TNFSF13B: variants seen among roughly 807,000 people sequenced by gnomAD.
The protein encoded by TNFSF13B is TNF superfamily member 13b.
TNFSF13B carries 8 observed loss-of-function variants against 29.1 expected under a neutral mutation model. The ratio of observed to expected loss-of-function variants is 0.27; its 90% CI spans 0.16 to 0.50. The LOEUF is 0.50. TNFSF13B is among the 20% of genes least tolerant of loss of function. The pLI is 0.98. For synonymous variants in TNFSF13B, 125 were observed against 130.8 expected, an observed-to-expected ratio of 0.96 and a Z score of 0.30; for missense variants, 248 against 334.9, an observed-to-expected ratio of 0.74 and a Z score of 2.03.
chr13:108,303,434 T>G lies in TNFSF13B; in HGVS notation c.595-20T>G. 6.2e-7 allele frequency: 1 copy of G among 1,609,622 alleles called. No homozygotes were observed. The highest frequency in any genetic ancestry group is 8.5e-7 in the Non-Finnish European group (1 of 1,178,518). ...CATTTTGTGTTCATTTCTGACACAGTTTTTTGGTTTGTTTCTTAGGTTTTA... is the reference window on the plus strand; with the variant it reads ...CATTTTGTGTTCATTTCTGACACAGGTTTTTGGTTTGTTTCTTAGGTTTTA... On this transcript the variant is annotated intron_variant, in intron 4 of 5. Transcript: ENST00000375887.
At chr13:108,291,554 C>T (rs1392294656) in intron 3 of TNFSF13B, among the ~76,000 whole-genome samples, 1 of 151,662 alleles carries the variant, frequency 6.6e-6, no homozygotes, top group African/African-American at 2.4e-5. Context: ...TGTATAAAAG[C>T]CTTGAATTCC....
At chr13:108,289,782 C>T (rs889131508) in intron 3 of TNFSF13B, among the ~76,000 whole-genome samples, 1 of 151,780 alleles carries the variant, frequency 6.6e-6, no homozygotes, top group Non-Finnish European at 1.5e-5. Flanking sequence ...TTTTGAGTTC[C>T]TATGCTTGCT....
chr13:108,304,044 CA>C (rs781602408), intron 5 of TNFSF13B, among the ~76,000 whole-genome samples: 2 of 152,186 alleles, frequency 1.3e-5, no homozygotes, highest in Non-Finnish European at 2.9e-5. Flanking sequence ...TTAATCTTCG[CA>C]TTTAAGGGAG....
At chr13:108,306,789 T>C (rs766389821) in intron 5 of TNFSF13B, 37 bp from the exon 6 acceptor site, 1 of 1,214,390 alleles carries the variant, frequency 8.2e-7, no homozygotes, top group Non-Finnish European at 1.2e-6. Context: ...TTCTGTTGTA[T>C]AACCACTTAT....
chr13:108,292,445 C>A (rs760004207), intron 3 of TNFSF13B, among the ~76,000 whole-genome samples: 2 of 152,098 alleles, frequency 1.3e-5, no homozygotes, highest in Admixed American at 1.3e-4. Flanking sequence ...CTGAGTGCCT[C>A]TTTTCAATTA....
chr13:108,291,642 C>G (rs1881316140), intron 3 of TNFSF13B, among the ~76,000 whole-genome samples: 2 of 151,666 alleles, frequency 1.3e-5, no homozygotes, highest in South Asian at 4.2e-4. Flanking sequence ...TGACTTTGCC[C>G]AAAATTTTAC....
At chr13:108,304,597 A>G (rs915824218) in intron 5 of TNFSF13B, among the ~76,000 whole-genome samples, 3 of 152,042 alleles carry the variant, frequency 2.0e-5, no homozygotes, top group African/African-American at 7.2e-5. Context: ...AAACACATTT[A>G]TTTTCTCTGT....
rs183351275 is a variant in TNFSF13B, at chr13:108,282,832, G to A, written c.425-3971G>A. ...GGGTTTTAATGTATATTATTGCCTT[G>A]CTTAGTTAAAAGAAAAAACAATAAC... On this transcript the variant is annotated intron_variant, in intron 2 of 5. Transcript: ENST00000375887. Among the ~76,000 whole-genome samples, 6 of 152,046 alleles carry A rather than the reference G, an allele frequency of 3.9e-5. No individual in the cohort carries two copies. In the East Asian group the frequency reaches 1.2e-3, roughly 29 times the overall value.
chr13:108,305,314 A>G (rs532833976), intron 5 of TNFSF13B, among the ~76,000 whole-genome samples: 16 of 152,158 alleles, frequency 1.1e-4, no homozygotes, highest in Admixed American at 2.0e-4. Context: ...AAGAAACCCA[A>G]CATAATACCA....
rs1881443934 is a variant in TNFSF13B, at chr13:108,295,707, C to G, written c.482-7546C>G. ...TTTCTGAGTGCTACTTTCACTGCTTCCTATGAATATTGCTATGCTGTGTTT... is the reference window on the plus strand; with the variant it reads ...TTTCTGAGTGCTACTTTCACTGCTTGCTATGAATATTGCTATGCTGTGTTT... On this transcript the variant is annotated intron_variant, in intron 3 of 5. Transcript: ENST00000375887. Among the ~76,000 whole-genome samples, 2 of 145,392 alleles carry G rather than the reference C, an allele frequency of 1.4e-5. 1 individual carries two copies. The highest frequency in any genetic ancestry group is 3.1e-5 in the Non-Finnish European group (2 of 65,564).
At chr13:108,296,012 C>T (rs182143643) in intron 3 of TNFSF13B, among the ~76,000 whole-genome samples, 1 of 146,174 alleles carries the variant, frequency 6.8e-6, no homozygotes, top group East Asian at 1.9e-4. Flanking sequence ...TATTTTGTTG[C>T]ATAACATGGT....
chr13:108,270,214 G>C lies in TNFSF13B; in HGVS notation c.319G>C (p.Ala107Pro). 6.2e-7 allele frequency: 1 copy of C among 1,604,164 alleles called. No individual in the cohort carries two copies. Among genetic ancestry groups the C allele is most frequent in the Non-Finnish European group, 8.5e-7 (1 of 1,178,262 alleles). Residue 107 changes from alanine to proline, a missense_variant, in exon 1 of 6, where the codon GCT becomes CCT. Physicochemically the swap from Ala to Pro is conservative, Grantham distance 27. Transcript: ENST00000375887. Reference sequence around the variant, plus strand: ...CAAGGCCGGCCTGGAGGAAGCTCCAGCTGTCACCGCGGGACTGAAAGTGAG... The same window carrying C: ...CAAGGCCGGCCTGGAGGAAGCTCCACCTGTCACCGCGGGACTGAAAGTGAG... The part of the protein sequence containing the change: ...APKAGLEEAP[A>P]VTAGLKIFEP...
intron 5 of TNFSF13B, among the ~76,000 whole-genome samples, chr13:108,304,254 A>T (rs1394366845): frequency 1.3e-5 from 2 of 151,964 alleles, no homozygotes; most frequent in Non-Finnish European, 2.9e-5. Flanking sequence ...TACAGGTGAC[A>T]TCTTGTGTCA....
At chr13:108,275,222 G>A (rs561342231) in intron 2 of TNFSF13B, among the ~76,000 whole-genome samples, 4 of 152,070 alleles carry the variant, frequency 2.6e-5, no homozygotes, top group South Asian at 2.1e-4. Flanking sequence ...AAAATATTAC[G>A]TAATAAAATT....
At chr13:108,276,347 G>A (rs1880761710) in intron 2 of TNFSF13B, among the ~76,000 whole-genome samples, 1 of 152,140 alleles carries the variant, frequency 6.6e-6, no homozygotes, top group Admixed American at 6.6e-5. Flanking sequence ...CTTCAGTGTT[G>A]CAAGAACTGG....
intron 3 of TNFSF13B, chr13:108,302,905 A>C (rs561177953): frequency 1.1e-5 from 11 of 982,052 alleles, no homozygotes; most frequent in Non-Finnish European, 1.3e-5. Context: ...TGTGTTATTC[A>C]GAGAAATTTT....
In TNFSF13B at chr13:108,298,656, T is replaced by C. The variant is rs989126450; in HGVS notation, c.482-4597T>C. On this transcript the variant is annotated intron_variant, in intron 3 of 5. Transcript: ENST00000375887. The stretch of plus-strand genomic sequence containing the variant: ...ATTCTTTAGACTCAGTTTGTTGATA[T>C]TCAACTTGCTTTGATTTTGATTAAG... Among the ~76,000 whole-genome samples the C allele has an allele frequency of 2.1e-5, 3 of 145,484 alleles. 1 individual carries two copies. Among genetic ancestry groups the C allele is most frequent in the South Asian group, 2.1e-4 (1 of 4,666 alleles).
chr13:108,280,069 C>CTT (rs35086854), intron 2 of TNFSF13B, among the ~76,000 whole-genome samples: 2,313 of 119,964 alleles, frequency 0.019, 113 homozygotes, highest in Admixed American at 0.11. Context: ...ATGGCGTCTG[C>CTT]TTTTTTTTTT....
chr13:108,271,699 T>C (rs150923820), intron 2 of TNFSF13B, among the ~76,000 whole-genome samples: 1 of 152,304 alleles, frequency 6.6e-6, no homozygotes, highest in African/African-American at 2.4e-5. Context: ...ATCGTCTGCA[T>C]TTTATAGTCT....
Sources: gnomAD v4.1 joint callset for allele counts (sites outside exome capture counted in the v4.1 genomes callset) on GRCh38, gnomAD v4.1.1 for gene constraint, MANE v1.5 for transcripts, NCBI Gene and HGNC (gene_info 2026-07-23, HGNC 2026-07-21) for gene names.